KALRN: variants seen among roughly 807,000 people sequenced by gnomAD.
KALRN encodes kalirin RhoGEF kinase, also known as kalirin.
In KALRN, 70 loss-of-function variants were observed where a neutral mutation model predicts 353.7. The ratio of observed to expected loss-of-function variants is 0.20; its 90% CI spans 0.16 to 0.24. The LOEUF is 0.24. Among genes scored for constraint, KALRN ranks in the 10% least tolerant of loss-of-function variants. The pLI is 1.00. For missense variants in KALRN, 2,791 were observed against 3,756.7 expected (o/e 0.74, Z 6.72); for synonymous variants, 1,391 against 1,434.8 (o/e 0.97, Z 0.69).
chr3:124,719,586 G>C lies in KALRN; in HGVS notation c.*116G>C, dbSNP rs2063310770. 9.7e-7 allele frequency: 1 copy of C among 1,031,368 alleles called. No homozygotes were observed. The highest frequency in any genetic ancestry group is 1.6e-5 in the South Asian group (1 of 60,820). 63.9% of individuals were successfully genotyped at this position (1,031,368 alleles called of 1,614,324 possible). Reference sequence around the variant, plus strand: ...CACTCCGTGCAGTTCTCTGAATTGAGAGATGTACCTCTTAAACCTCGTCAG... The same window carrying C: ...CACTCCGTGCAGTTCTCTGAATTGACAGATGTACCTCTTAAACCTCGTCAG... On this transcript the variant is annotated 3_prime_UTR_variant, in exon 60 of 60. Transcript: ENST00000682506. This position sits in a 1 kb window ranked among gnomAD's most constrained non-coding sequence, Gnocchi z 5.3.
Position 124,334,270 on chromosome 3 carries a change from C to A in KALRN, c.1422C>A (p.Ser474Arg), listed in dbSNP as rs2080900906. 1 of 1,613,774 alleles carries A rather than the reference C, an allele frequency of 6.2e-7. No homozygotes were observed. The change falls in exon 9 of 60, where the codon AGC (serine) becomes AGA (arginine). Residue 474 changes from serine to arginine, a missense_variant. By Grantham distance (110) the Ser-to-Arg change is moderately radical. Coordinates refer to ENST00000682506, the MANE Select transcript of KALRN (RefSeq NM_001388419.1). This position sits in a 1 kb window ranked among gnomAD's most constrained non-coding sequence, Gnocchi z 4.2. The part of the protein sequence containing the change: ...EQVTQAYTEV[S>R]QDGKALLDVL... Reference sequence around the variant, plus strand: ...AACTTCTCTCTTTCCTGCAGGTCAGCCAGGATGGCAAAGCACTACTTGATG... The same window carrying A: ...AACTTCTCTCTTTCCTGCAGGTCAGACAGGATGGCAAAGCACTACTTGATG...
chr3:124,273,728 T>A (rs1314275114), intron 5 of KALRN, among the ~76,000 whole-genome samples: 2 of 146,276 alleles, frequency 1.4e-5, no homozygotes, highest in Non-Finnish European at 3.0e-5. Flanking sequence ...GACAGGAAAG[T>A]CTTAATGAGC....
intron 1 of KALRN, among the ~76,000 whole-genome samples, chr3:124,223,465 A>T (rs1403838313): frequency 6.6e-6 from 1 of 152,172 alleles, no homozygotes; most frequent in African/African-American, 2.4e-5. Flanking sequence ...ATGTGCAGAA[A>T]CAGGGCTCAG....
chr3:124,063,067 G>T (rs2042094344), intron 1 of KALRN, among the ~76,000 whole-genome samples: 2 of 152,190 alleles, frequency 1.3e-5, no homozygotes, highest in Non-Finnish European at 2.9e-5. Flanking sequence ...GAGTTAGAGG[G>T]TAGGAGGAAA....
At position 124,446,231 on chromosome 3, in the gene KALRN, A is replaced by C; in HGVS notation, c.3384A>C (p.Leu1128Phe). The change falls in exon 20 of 60, where the codon TTA (leucine) becomes TTC (phenylalanine). Residue 1128 changes from leucine to phenylalanine, a missense_variant. Leu to Phe is a conservative substitution (Grantham distance 22). Transcript: ENST00000682506. Reference protein sequence around the residue: ...LHFWTLKKRRLDQCQQYVVFE... With the variant: ...LHFWTLKKRRFDQCQQYVVFE... ...TCTGGACCTTGAAGAAGCGGCGGTT[A>C]GACCAATGCCAGCAATATGTGGTGT... The C allele has an allele frequency of 1.2e-6, 2 of 1,614,154 alleles. No individual in the cohort carries two copies. Among genetic ancestry groups the C allele is most frequent in the Non-Finnish European group, 1.7e-6 (2 of 1,179,974 alleles).
Position 124,456,597 on chromosome 3 carries a change from C to A in KALRN, c.3736-13C>A. ...GCATCACAAGGTGACCTTTGTGATCCCTCCATGTGCAGGATAATAAGGACC... is the reference window on the plus strand; with the variant it reads ...GCATCACAAGGTGACCTTTGTGATCACTCCATGTGCAGGATAATAAGGACC... On this transcript the variant is annotated splice_polypyrimidine_tract_variant and intron_variant, in intron 22 of 59. Coordinates refer to ENST00000682506, the MANE Select transcript of KALRN (RefSeq NM_001388419.1). 4.4e-6 allele frequency: 7 copies of A among 1,584,520 alleles called. No individual in the cohort carries two copies. The highest frequency in any genetic ancestry group is 1.1e-5 in the South Asian group (1 of 89,562).
At chr3:124,040,075 C>T (rs987063418) in intron 1 of KALRN, among the ~76,000 whole-genome samples, 3 of 152,192 alleles carry the variant, frequency 2.0e-5, no homozygotes, top group African/African-American at 4.8e-5. Context: ...TTTGCTTCAT[C>T]CTTGTGCCAC....
rs1291109271 is a variant in KALRN, at chr3:124,697,719, A to G, written c.7826A>G (p.Glu2609Gly). 1.9e-6 allele frequency: 3 copies of G among 1,568,124 alleles called. No individual in the cohort carries two copies. The East Asian group carries it at 7.0e-5, about 37-fold the overall frequency. ...TCTGGTTACACTGTGGAGTACAGAG[A>G]GGAAGGTGCACTATCTCCTGCTCTT... ...TISGYTVEYREEGSQIWQQSV... is the reference protein window; with the variant it reads ...TISGYTVEYRGEGSQIWQQSV... Residue 2609 changes from glutamate (E) to glycine (G), a missense_variant, in exon 55 of 60, where the codon GAG becomes GGG. By Grantham distance (98) the Glu-to-Gly change is moderately conservative. Transcript: ENST00000682506.
intron 10 of KALRN, among the ~76,000 whole-genome samples, chr3:124,360,543 G>A (rs1057041244): frequency 1.3e-5 from 2 of 152,230 alleles, no homozygotes; most frequent in Non-Finnish European, 2.9e-5. Flanking sequence ...CACAGTGAGA[G>A]TAACACACCA....
At chr3:124,659,875 ATATAT>A (rs2084600877) in intron 43 of KALRN, among the ~76,000 whole-genome samples, 1 of 148,462 alleles carries the variant, frequency 6.7e-6, no homozygotes, top group African/African-American at 2.4e-5. Flanking sequence ...TATAAAATCA[ATATAT>A]TATATAAAAT....
At chr3:124,276,589 T>G (rs2074750560) in intron 5 of KALRN, among the ~76,000 whole-genome samples, 1 of 152,322 alleles carries the variant, frequency 6.6e-6, no homozygotes, top group Middle Eastern at 3.4e-3. Flanking sequence ...AGCAGTAACA[T>G]GATTCCACTG....
chr3:124,398,601 T>C (rs2090462627), intron 12 of KALRN, 96 bp from the exon 13 acceptor site: 1 of 1,209,564 alleles, frequency 8.3e-7, no homozygotes, highest in African/African-American at 1.5e-5. Context: ...CTGATTCACA[T>C]CCACCTTGCT....
intron 50 of KALRN, 101 bp downstream of exon 50, chr3:124,678,414 T>TTC: frequency 1.6e-6 from 2 of 1,242,322 alleles, no homozygotes; most frequent in South Asian, 1.4e-5. Context: ...TTTTTTTTTT[T>TTC]CCCAGTATGG....
At chr3:124,543,131 A>G (rs1249244126) in intron 33 of KALRN, among the ~76,000 whole-genome samples, 6 of 152,184 alleles carry the variant, frequency 3.9e-5, no homozygotes, top group Admixed American at 3.9e-4. Context: ...GTAGAGAACA[A>G]GGAGGAAGCA....
rs2080335916 is a variant in KALRN at position 124,329,920 on chromosome 3, G to A, written c.1344G>A (p.Glu448=). 2 of 1,613,792 alleles carry A rather than the reference G, an allele frequency of 1.2e-6. No individual in the cohort carries two copies. Among genetic ancestry groups the A allele is most frequent in the Admixed American group, 3.3e-5 (2 of 59,970 alleles). The stretch of plus-strand genomic sequence containing the variant: ...GCAGTGAAGGTGGTCTGCCATCCGA[G>A]ATGCAAGACCTAGAGCTGGCAATCC... ...KMCSEGGLPS[E]MQDLELAIHH... Residue 448 remains glutamate (E), a synonymous_variant, in exon 8 of 60, where the codon GAG becomes GAA. Transcript: ENST00000682506.
chr3:124,301,945 G>A (rs1283412797), intron 6 of KALRN, among the ~76,000 whole-genome samples: 1 of 152,166 alleles, frequency 6.6e-6, no homozygotes, highest in South Asian at 2.1e-4. Flanking sequence ...TTTACCACAC[G>A]GAAATAGGCC....
chr3:124,579,888 A>G (rs2074457169), intron 34 of KALRN, among the ~76,000 whole-genome samples: 1 of 152,260 alleles, frequency 6.6e-6, no homozygotes, highest in Admixed American at 6.5e-5. Flanking sequence ...GCCTGGCCAC[A>G]CCCAGGTCAT....
At chr3:124,200,527 A>G (rs1415222330) in intron 1 of KALRN, among the ~76,000 whole-genome samples, 3 of 152,174 alleles carry the variant, frequency 2.0e-5, no homozygotes, top group Non-Finnish European at 4.4e-5. Context: ...TTAGGACCTA[A>G]TTATCTCCCA....
chr3:124,409,844 A>G (rs1401269776), intron 13 of KALRN, among the ~76,000 whole-genome samples: 1 of 152,172 alleles, frequency 6.6e-6, no homozygotes, highest in Non-Finnish European at 1.5e-5. Context: ...TCCAGTATAC[A>G]TTAAACACAC....
Sources: gnomAD v4.1 joint callset for allele counts (sites outside exome capture counted in the v4.1 genomes callset) on GRCh38, gnomAD v4.1.1 for gene constraint, Gnocchi (gnomAD v3.1) non-coding constraint, MANE v1.5 for transcripts, NCBI Gene and HGNC (gene_info 2026-07-23, HGNC 2026-07-21) for gene names.